Variants in NEB observed in about 807,000 individuals in gnomAD.
The protein encoded by NEB is nemaline myopathy type 2.
A neutral mutation model predicts 952.2 loss-of-function variants in NEB; 512 were observed. That is an observed-to-expected ratio of 0.54 (90% CI 0.50 to 0.58). The LOEUF is 0.58. Among genes scored for constraint, NEB ranks in the 20% least tolerant of loss-of-function variants. The pLI, the probability that NEB is intolerant of heterozygous loss-of-function variation, is 0.00. For missense variants in NEB, 8,428 were observed against 9,231.1 expected, an observed-to-expected ratio of 0.91 and a Z score of 3.56; for synonymous variants, 2,900 against 3,149.8, an observed-to-expected ratio of 0.92 and a Z score of 2.66.
Position 151,560,630 on chromosome 2 carries a change from G to A in NEB, c.19276C>T (p.Leu6426=). ...TGCTTCTGGTTCTTGGCGTGTGTCA[G>A]GGACAAGGTGCTGGAAGGCAGGATG... The part of the protein sequence containing the change: ...SYILPSSTLS[L]THAKNQKHLA... Residue 6426 remains leucine, a synonymous_variant, in exon 124 of 182, where the codon CTG becomes TTG. Coordinates refer to ENST00000397345, the MANE Select transcript of NEB (RefSeq NM_001164508.2). 1 of 1,612,722 alleles carries A rather than the reference G, an allele frequency of 6.2e-7. No individual in the cohort carries two copies. The highest frequency in any genetic ancestry group is 8.5e-7 in the Non-Finnish European group (1 of 1,179,462).
intron 9 of NEB, among the ~76,000 whole-genome samples, chr2:151,721,306 C>A (rs1226978026): frequency 6.6e-6 from 1 of 152,146 alleles, no homozygotes; most frequent in Non-Finnish European, 1.5e-5. Context: ...TTATTTATTA[C>A]CGTTCCATGT....
chr2:151,613,778 C>G (rs919554255), intron 77 of NEB, among the ~76,000 whole-genome samples: 1 of 152,174 alleles, frequency 6.6e-6, no homozygotes, highest in Admixed American at 6.5e-5. Context: ...CTCTCTCTCT[C>G]CTGCTCCACC....
chr2:151,707,434 A>C (rs1377420672), intron 12 of NEB, among the ~76,000 whole-genome samples: 1 of 152,214 alleles, frequency 6.6e-6, no homozygotes, highest in Non-Finnish European at 1.5e-5. Context: ...TAAAGAAAGG[A>C]AGCTGGAAGT....
chr2:151,649,041 G>A (rs1041667981), intron 54 of NEB, among the ~76,000 whole-genome samples: 12 of 152,214 alleles, frequency 7.9e-5, no homozygotes, highest in African/African-American at 2.4e-4. Flanking sequence ...TGATCTAGGG[G>A]TTCTCATTTG....
At chr2:151,630,913 A>C (rs2098655278) in intron 66 of NEB, 94 bp from the exon 67 acceptor site, 1 of 1,251,562 alleles carries the variant, frequency 8.0e-7, no homozygotes, top group Non-Finnish European at 1.1e-6. Context: ...TAATTAGGAA[A>C]AATAAGCCAG....
intron 12 of NEB, among the ~76,000 whole-genome samples, chr2:151,707,894 A>G (rs2099721007): frequency 6.6e-6 from 1 of 152,182 alleles, no homozygotes; most frequent in Admixed American, 6.5e-5. Context: ...TCACGACAGT[A>G]TGCTACAGTA....
At chr2:151,509,694 C>G (rs1217704222) in intron 161 of NEB, among the ~76,000 whole-genome samples, 5 of 152,180 alleles carry the variant, frequency 3.3e-5, no homozygotes, top group African/African-American at 1.2e-4. Context: ...GTGACGTGAT[C>G]TTGGCTCACT....
In NEB at chr2:151,513,651, C is replaced by T; in HGVS notation, c.23170G>A (p.Gly7724Ser). 6.2e-7 allele frequency: 1 copy of T among 1,609,306 alleles called. No homozygotes were observed. Among genetic ancestry groups the T allele is most frequent in the East Asian group, 2.2e-5 (1 of 44,824 alleles). The change falls in exon 160 of 182, where the codon GGC (glycine) becomes AGC (serine). Residue 7724 changes from glycine to serine, a missense_variant. Gly to Ser is a moderately conservative substitution (Grantham distance 56). Transcript: ENST00000397345. The stretch of plus-strand genomic sequence containing the variant: ...GTTTCATTGGCCATGGCATTCAGGC[C>T]TCTTCCTTTGACTTCCAGTTCCAGG... ...RDLELEVKGR[G>S]LNAMANETPD...
At chr2:151,688,218 T>G (rs995788652) in intron 25 of NEB, 74 bp downstream of exon 25, 22 of 1,244,550 alleles carry the variant, frequency 1.8e-5, no homozygotes, top group African/African-American at 4.5e-5. Flanking sequence ...ATTCCTTGTC[T>G]TGTCTTTTAA....
At chr2:151,681,741 G>A (rs969980675) in intron 29 of NEB, among the ~76,000 whole-genome samples, 1 of 152,166 alleles carries the variant, frequency 6.6e-6, no homozygotes, top group African/African-American at 2.4e-5. Flanking sequence ...AACTGTCACA[G>A]GGGAGGGACA....
chr2:151,661,061 G>A (rs1373348381), intron 46 of NEB, among the ~76,000 whole-genome samples: 2 of 152,082 alleles, frequency 1.3e-5, no homozygotes, highest in Non-Finnish European at 2.9e-5. Context: ...AGACCCTGCT[G>A]TTGACCCGCT....
intron 121 of NEB, among the ~76,000 whole-genome samples, chr2:151,561,606 T>TTTTTA (rs2096064969): frequency 6.6e-6 from 1 of 151,906 alleles, no homozygotes; most frequent in Non-Finnish European, 1.5e-5. Context: ...CACTTTTTTT[T>TTTTTA]TTTTATTATT....
intron 161 of NEB, among the ~76,000 whole-genome samples, chr2:151,509,613 GTT>G (rs112997385): frequency 6.7e-6 from 1 of 148,706 alleles, no homozygotes; most frequent in African/African-American, 2.5e-5. Context: ...AGGAAGAGAG[GTT>G]TTTTTTTTGT....
Position 151,524,318 on chromosome 2 carries a change from C to T in NEB, c.22472G>A (p.Ser7491Asn). ...TGCACCCATCTGCATTACCTGGCTG[C>T]TCAGCTTGGCTGCCTTCTTGGCCAT... ...IEMAKKAAKLSSQVKYRENFD... is the reference protein window; with the variant it reads ...IEMAKKAAKLNSQVKYRENFD... The change falls in exon 153 of 182, where the codon AGC (serine) becomes AAC (asparagine). Residue 7491 changes from serine to asparagine, a missense_variant. This residue lies in a region of NEB where 3,374 missense variants were observed against 3,651.5 expected (regional missense o/e 0.92). Coordinates refer to ENST00000397345, the MANE Select transcript of NEB (RefSeq NM_001164508.2). The T allele has an allele frequency of 6.2e-7, 1 of 1,613,712 alleles. No individual in the cohort carries two copies. The highest frequency in any genetic ancestry group is 8.5e-7 in the Non-Finnish European group (1 of 1,179,782).
At chr2:151,623,352 C>T (rs2098454427) in intron 71 of NEB, among the ~76,000 whole-genome samples, 1 of 152,108 alleles carries the variant, frequency 6.6e-6, no homozygotes, top group African/African-American at 2.4e-5. Context: ...GCTTTATCAT[C>T]CCTCTACTTT....
Position 151,652,047 on chromosome 2 carries a change from T to C in NEB, c.6916-1162A>G, listed in dbSNP as rs574036198. On this transcript the variant is annotated intron_variant, in intron 52 of 181. Coordinates refer to ENST00000397345, the MANE Select transcript of NEB (RefSeq NM_001164508.2). Reference sequence around the variant, plus strand: ...AACTGAAAACAAAGGAGGGCAAATATGAAAATGTTTGAAGACCTATCAAGT... The same window carrying C: ...AACTGAAAACAAAGGAGGGCAAATACGAAAATGTTTGAAGACCTATCAAGT... 3.3e-5 allele frequency among the ~76,000 whole-genome samples: 5 copies of C among 152,232 alleles called. No individual in the cohort carries two copies. In the South Asian group the frequency reaches 1.0e-3, roughly 32 times the overall value.
At chr2:151,486,341 C>T (rs540494419) in intron 181 of NEB, 112 of 164,230 alleles carry the variant, frequency 6.8e-4, no homozygotes, top group Non-Finnish European at 1.3e-3. Flanking sequence ...ATAAAAAAGA[C>T]AGACAATAAC....
intron 117 of NEB, among the ~76,000 whole-genome samples, chr2:151,564,163 T>C (rs1037719850): frequency 6.6e-6 from 1 of 152,028 alleles, no homozygotes; most frequent in Non-Finnish European, 1.5e-5. Context: ...ATTTTATTTT[T>C]ATGTTTTTTG....
Position 151,511,271 on chromosome 2 carries a change from C to A in NEB, c.23346+1462G>T, listed in dbSNP as rs184000617. 1.9e-3 allele frequency among the ~76,000 whole-genome samples: 291 copies of A among 152,334 alleles called. 2 individuals carry two copies. The South Asian group carries it at 0.031, about 16-fold the overall frequency. ...GGTAGTTTTTAAAAAGCTAATTATT[C>A]TTCTGCATCCCTACCCTTCAAAGAA... is the stretch of plus-strand genomic sequence containing the variant. On this transcript the variant is annotated intron_variant, in intron 161 of 181. Coordinates refer to ENST00000397345, the MANE Select transcript of NEB (RefSeq NM_001164508.2).
Sources: allele counts gnomAD v4.1 joint callset (sites outside exome capture counted in the v4.1 genomes callset), GRCh38; gene constraint gnomAD v4.1.1; regional missense constraint gnomAD v4.1.1; transcripts MANE v1.5; gene names NCBI Gene and HGNC (gene_info 2026-07-23, HGNC 2026-07-21).